EFHC1: variants seen among roughly 807,000 people sequenced by gnomAD.
EFHC1 encodes the protein EF-hand domain containing 1.
Under a neutral mutation model 69.9 loss-of-function variants are expected in EFHC1, and 53 were observed. The ratio of observed to expected loss-of-function variants is 0.76; its 90% CI spans 0.61 to 0.95. The LOEUF is 0.95. Among genes scored for constraint, EFHC1 ranks in the 40% least tolerant of loss-of-function variants. EFHC1 has a pLI of 0.00. For missense variants in EFHC1, 739 were observed against 798.7 expected, an observed-to-expected ratio of 0.93 and a Z score of 0.90; for synonymous variants, 256 against 278.4, an observed-to-expected ratio of 0.92 and a Z score of 0.80.
At chr6:52,480,957 G>T (rs1253718748) in intron 9 of EFHC1, among the ~76,000 whole-genome samples, 1 of 152,178 alleles carries the variant, frequency 6.6e-6, no homozygotes, top group Non-Finnish European at 1.5e-5. Flanking sequence ...GCCATTGGGA[G>T]CAGGGGCATC....
intron 6 of EFHC1, 48 bp downstream of exon 6, chr6:52,465,163 G>A: frequency 1.3e-6 from 2 of 1,543,174 alleles, no homozygotes; most frequent in Non-Finnish European, 1.8e-6. Flanking sequence ...AATTTTTTGA[G>A]GTAGAAATTT....
chr6:52,423,668 T>TTTTC lies in EFHC1; in HGVS notation c.64-275_64-274insCTTT, dbSNP rs1177532624. 1,261 of 451,124 alleles carry TTTTC rather than the reference T, an allele frequency of 2.8e-3. 6 individuals are homozygous for TTTTC. Among genetic ancestry groups the TTTTC allele is most frequent in the Middle Eastern group, 5.1e-3 (8 of 1,560 alleles). 27.9% of individuals were successfully genotyped at this position (451,124 alleles called of 1,614,324 possible). A position where few individuals can be genotyped will look rare whatever the true frequency, so the allele number is the denominator to read the frequency against. ...ACCACACCCAGCTAATTTTTTTTTT[T>TTTTC]TTTTTTTTTTTTTTTTAGTTTTTGT... On this transcript the variant is annotated intron_variant, in intron 1 of 10. Transcript: ENST00000371068.
At chr6:52,468,585 C>G (rs1765362630) in intron 6 of EFHC1, 1 of 152,258 alleles carries the variant, frequency 6.6e-6, no homozygotes, top group Admixed American at 6.5e-5. Context: ...CCAGGATGCT[C>G]TCATTGTGTG....
intron 7 of EFHC1, among the ~76,000 whole-genome samples, chr6:52,478,320 A>G (rs1765589510): frequency 6.6e-6 from 1 of 152,126 alleles, no homozygotes; most frequent in African/African-American, 2.4e-5. Context: ...GATATACCTA[A>G]TGCTAGATGA....
chr6:52,467,985 C>T (rs965852763), intron 6 of EFHC1, among the ~76,000 whole-genome samples: 35 of 152,078 alleles, frequency 2.3e-4, no homozygotes, highest in African/African-American at 7.7e-4. Flanking sequence ...GAAGTAGATA[C>T]GAAATGGATA....
intron 9 of EFHC1, chr6:52,480,166 T>C: frequency 2.4e-6 from 1 of 408,786 alleles, no homozygotes; most frequent in South Asian, 3.2e-5. Flanking sequence ...TATTGCATCC[T>C]GTATTCTTAC....
intron 5 of EFHC1, among the ~76,000 whole-genome samples, chr6:52,464,395 A>G (rs1021519747): frequency 6.6e-6 from 1 of 152,216 alleles, no homozygotes; most frequent in South Asian, 2.1e-4. Context: ...CTCCCCAAAG[A>G]GAATATTTTC....
At chr6:52,467,268 A>G (rs1371614022) in intron 6 of EFHC1, among the ~76,000 whole-genome samples, 1 of 147,824 alleles carries the variant, frequency 6.8e-6, no homozygotes, top group Non-Finnish European at 1.5e-5. Context: ...TGCAACGTCC[A>G]CCTCCCAGGT....
rs183010086 is a variant in EFHC1, at chr6:52,448,829, G to A, written c.574-3859G>A. 5.9e-3 allele frequency among the ~76,000 whole-genome samples: 898 copies of A among 152,254 alleles called. 2 individuals carry two copies. The highest frequency in any genetic ancestry group is 0.027 in the Middle Eastern group (8 of 294). On this transcript the variant is annotated intron_variant, in intron 3 of 10. Coordinates refer to ENST00000371068, the MANE Select transcript of EFHC1 (RefSeq NM_018100.4). Reference sequence around the variant, plus strand: ...TGATGAATCACATTTATTGATTTGTGTATGTTGAACCAACTTTGCATGCTG... The same window carrying A: ...TGATGAATCACATTTATTGATTTGTATATGTTGAACCAACTTTGCATGCTG...
chr6:52,486,790 T>A (rs899935803), intron 9 of EFHC1: 1 of 152,238 alleles, frequency 6.6e-6, no homozygotes, highest in Non-Finnish European at 1.5e-5. Context: ...GTAACCACTT[T>A]CCTCCTGACT....
At chr6:52,463,799 G>A (rs1187898393) in intron 5 of EFHC1, among the ~76,000 whole-genome samples, 1 of 152,162 alleles carries the variant, frequency 6.6e-6, no homozygotes, top group Non-Finnish European at 1.5e-5. Flanking sequence ...ATCACTTCCT[G>A]GGGAAGCTCA....
At chr6:52,483,376 T>C (rs1290335761) in intron 9 of EFHC1, 1 of 152,186 alleles carries the variant, frequency 6.6e-6, no homozygotes, top group African/African-American at 2.4e-5. Context: ...CAGAGAGAGT[T>C]ATTGGCTTTT....
At chr6:52,488,168 C>G (rs1158925266) in intron 9 of EFHC1, 1 of 152,154 alleles carries the variant, frequency 6.6e-6, no homozygotes, top group Non-Finnish European at 1.5e-5. Flanking sequence ...TTTCATGGCT[C>G]TAGTTCTTGG....
At chr6:52,464,679 G>C (rs1765255333) in intron 5 of EFHC1, among the ~76,000 whole-genome samples, 1 of 152,178 alleles carries the variant, frequency 6.6e-6, no homozygotes, top group Non-Finnish European at 1.5e-5. Context: ...ATATGGGAGA[G>C]AGACTTCACA....
intron 6 of EFHC1, chr6:52,469,087 TTCTC>T (rs768395514): frequency 1.8e-4 from 93 of 506,558 alleles, no homozygotes; most frequent in Non-Finnish European, 2.9e-4. Flanking sequence ...CAGCAATAGT[TTCTC>T]TGTAGCCCTG....
chr6:52,490,595 C>T (rs1765879873), intron 10 of EFHC1: 1 of 598,364 alleles, frequency 1.7e-6, no homozygotes, highest in Non-Finnish European at 3.0e-6. Flanking sequence ...GGTTAGTAGA[C>T]CAACATGTCA....
intron 1 of EFHC1, among the ~76,000 whole-genome samples, chr6:52,423,058 G>A (rs1764224996): frequency 6.6e-6 from 1 of 152,252 alleles, no homozygotes; most frequent in South Asian, 2.1e-4. Flanking sequence ...GGCAGCTTCA[G>A]GCATATAGTT....
intron 5 of EFHC1, among the ~76,000 whole-genome samples, chr6:52,463,613 T>C (rs1215041758): frequency 3.3e-5 from 5 of 152,184 alleles, no homozygotes; most frequent in East Asian, 3.8e-4. Flanking sequence ...TAAGAAGATA[T>C]GTGCAAAAAT....
In EFHC1 at chr6:52,443,483, TC is replaced by T. The variant is rs1764710978; in HGVS notation, c.573+4894del. On this transcript the variant is annotated intron_variant, in intron 3 of 10. Transcript: ENST00000371068. Reference sequence around the variant, plus strand: ...TTTTGTATAAGGTGTAAGGAAGGGATCCAGTTTCAGCTTTCTACATATGGCT... The same window carrying T: ...TTTTGTATAAGGTGTAAGGAAGGGATCAGTTTCAGCTTTCTACATATGGCT... Among the ~76,000 whole-genome samples the T allele has an allele frequency of 2.0e-5, 3 of 152,206 alleles. No individual in the cohort carries two copies. The South Asian group carries it at 6.2e-4, about 31-fold the overall frequency.
Sources: gnomAD v4.1 joint callset for allele counts (sites outside exome capture counted in the v4.1 genomes callset) on GRCh38, gnomAD v4.1.1 for gene constraint, MANE v1.5 for transcripts, NCBI Gene and HGNC (gene_info 2026-07-23, HGNC 2026-07-21) for gene names.